The following MRTFB variants were observed in gnomAD, a reference collection of about 807,000 sequenced individuals.
MRTFB encodes myocardin related transcription factor B, also known as myocardin-related transcription factor B.
Under a neutral mutation model 104.2 loss-of-function variants are expected in MRTFB, and 29 were observed. That is an observed-to-expected ratio of 0.28 (90% CI 0.21 to 0.38). The LOEUF is 0.38. Among genes scored for constraint, MRTFB ranks in the 10% least tolerant of loss-of-function variants. The pLI is 1.00. For synonymous variants in MRTFB, 535 were observed against 519.5 expected, an observed-to-expected ratio of 1.03 and a Z score of -0.41; for missense variants, 1,270 against 1,341.6, an observed-to-expected ratio of 0.95 and a Z score of 0.83.
intron 1 of MRTFB, among the ~76,000 whole-genome samples, chr16:14,077,338 C>T (rs753278101): frequency 6.6e-6 from 1 of 152,024 alleles, no homozygotes; most frequent in Non-Finnish European, 1.5e-5. Context: ...TTATCTTTAC[C>T]GATTTGTTTC....
chr16:14,130,543 C>T lies in MRTFB; in HGVS notation c.-63-10001C>T, dbSNP rs1297857269. On this transcript the variant is annotated intron_variant, in intron 2 of 16. Transcript: ENST00000571589. ...TATTCCTCTAATATGTGAGTTATAG[C>T]CCAGACTTGCCAGTGGTGTATGTTA... Among the ~76,000 whole-genome samples, 7 of 152,124 alleles carry T rather than the reference C, an allele frequency of 4.6e-5. No homozygotes were observed. In the South Asian group the frequency reaches 1.2e-3, roughly 27 times the overall value.
intron 4 of MRTFB, among the ~76,000 whole-genome samples, chr16:14,210,888 G>A (rs986660972): frequency 6.6e-6 from 1 of 152,104 alleles, no homozygotes; most frequent in Non-Finnish European, 1.5e-5. Context: ...TAGAATGTTT[G>A]TTCTAGTTGT....
At chr16:14,056,563 C>T in the MRTFB span, among the ~76,000 whole-genome samples, 8 of 152,100 alleles carry the variant, frequency 5.3e-5, no homozygotes, top group East Asian at 3.9e-4. Flanking sequence ...GTATTTTCTC[C>T]GCTCCAGTTC....
rs932754352 is a variant in MRTFB, at chr16:14,266,434, T to C, written c.*4990T>C. ...ATGAAAAAAAGGAGAAAGATACCAA[T>C]CTACAGAGCCCTGCTTGTTGAAGCA... On this transcript the variant is annotated 3_prime_UTR_variant, in exon 17 of 17. Coordinates refer to ENST00000571589, the MANE Select transcript of MRTFB (RefSeq NM_001308142.2). 5.3e-5 allele frequency: 8 copies of C among 152,206 alleles called. No individual in the cohort carries two copies. Among genetic ancestry groups the C allele is most frequent in the Admixed American group, 1.3e-4 (2 of 15,278 alleles). The allele number at this position is 152,206 out of a possible 1,614,324, so 9.4% of individuals were successfully genotyped here.
chr16:14,007,424 C>T, the MRTFB span, among the ~76,000 whole-genome samples: 1 of 152,168 alleles, frequency 6.6e-6, no homozygotes, highest in Non-Finnish European at 1.5e-5. Context: ...TCATTATTGA[C>T]AAAGAATGTT....
At chr16:13,997,792 C>CAAAAA in the MRTFB span, among the ~76,000 whole-genome samples, 511 of 90,470 alleles carry the variant, frequency 5.6e-3, 8 homozygotes, top group Non-Finnish European at 7.3e-3. Context: ...GACCCTATCT[C>CAAAAA]AAAAAAAAAA....
At chr16:14,251,304 G>A (rs1205154932) in intron 13 of MRTFB, among the ~76,000 whole-genome samples, 2 of 150,564 alleles carry the variant, frequency 1.3e-5, no homozygotes, top group African/African-American at 4.9e-5. Context: ...GTGAACCTGG[G>A]AGGCGGAGCT....
intron 2 of MRTFB, among the ~76,000 whole-genome samples, chr16:14,133,343 G>A (rs995855697): frequency 5.3e-5 from 8 of 152,158 alleles, no homozygotes; most frequent in African/African-American, 1.4e-4. Flanking sequence ...GTTTACCAAC[G>A]AACTGGCATG....
At chr16:14,100,893 A>G (rs950742131) in intron 2 of MRTFB, among the ~76,000 whole-genome samples, 1 of 152,200 alleles carries the variant, frequency 6.6e-6, no homozygotes, top group Non-Finnish European at 1.5e-5. Flanking sequence ...CATAGAATCT[A>G]TGATGACGTT....
At chr16:14,057,904 G>T in the MRTFB span, among the ~76,000 whole-genome samples, 3 of 152,224 alleles carry the variant, frequency 2.0e-5, no homozygotes, top group African/African-American at 7.2e-5. Context: ...TCCTTTTAGT[G>T]TTATCAACAA....
rs964451117 is a variant in MRTFB, at chr16:14,201,251, A to T, written c.155-8992A>T. Among the ~76,000 whole-genome samples the T allele has an allele frequency of 3.9e-4, 59 of 152,216 alleles. 1 individual carries two copies. The highest frequency in any genetic ancestry group is 9.2e-4 in the Admixed American group (14 of 15,290). ...CCATAGGTATGCACACGGCCATGTA[A>T]TATCAGTATATCCCAAGTTAACGAA... On this transcript the variant is annotated intron_variant, in intron 3 of 16. Transcript: ENST00000571589.
At chr16:14,249,191 T>C in intron 13 of MRTFB, 110 bp downstream of exon 13, 1 of 1,283,770 alleles carries the variant, frequency 7.8e-7, no homozygotes, top group Non-Finnish European at 1.1e-6. Context: ...TTCATTCTTT[T>C]CTGTGATCCA....
At chr16:14,188,031 C>A (rs1209655817) in intron 3 of MRTFB, among the ~76,000 whole-genome samples, 1 of 152,070 alleles carries the variant, frequency 6.6e-6, no homozygotes, top group Non-Finnish European at 1.5e-5. Flanking sequence ...TGAGCTTCTT[C>A]TAAAAGATAA....
At chr16:13,999,167 GAGATAAGAGTA>G in the MRTFB span, among the ~76,000 whole-genome samples, 6 of 149,106 alleles carry the variant, frequency 4.0e-5, no homozygotes, top group African/African-American at 1.5e-4. Context: ...TCTAGCCTGG[GAGATAAGAGTA>G]AGACTCTGTC....
chr16:14,155,728 T>G (rs1361560401), intron 3 of MRTFB, among the ~76,000 whole-genome samples: 1 of 152,102 alleles, frequency 6.6e-6, no homozygotes, highest in African/African-American at 2.4e-5. Context: ...GGGAGGACAT[T>G]TCACTCAGGC....
intron 16 of MRTFB, 87 bp downstream of exon 16, chr16:14,258,248 T>C (rs1200372139): frequency 3.1e-6 from 3 of 974,162 alleles, no homozygotes; most frequent in Non-Finnish European, 3.2e-6. Flanking sequence ...TCATAGCTTA[T>C]CTTTAGATAC....
chr16:14,186,816 G>A (rs1359335880), intron 3 of MRTFB: 3 of 1,573,930 alleles, frequency 1.9e-6, no homozygotes, highest in Admixed American at 1.8e-5. Flanking sequence ...GAGCAACCAG[G>A]GACCCAGGGA....
At chr16:14,116,307 T>A (rs2036540353) in intron 2 of MRTFB, among the ~76,000 whole-genome samples, 1 of 152,176 alleles carries the variant, frequency 6.6e-6, no homozygotes, top group Non-Finnish European at 1.5e-5. Context: ...AGGTCTTGGA[T>A]TAGATTTCAC....
intron 3 of MRTFB, chr16:14,191,882 C>T (rs2040199898): frequency 6.6e-6 from 1 of 152,080 alleles, no homozygotes; most frequent in Non-Finnish European, 1.5e-5. Flanking sequence ...GGCTGCTCTT[C>T]CTTTTCTGAT....
Sources: allele counts gnomAD v4.1 joint callset (sites outside exome capture counted in the v4.1 genomes callset), GRCh38; gene constraint gnomAD v4.1.1; transcripts MANE v1.5; gene names NCBI Gene and HGNC (gene_info 2026-07-23, HGNC 2026-07-21).